The following ABCA10 variants were observed in gnomAD, a reference collection of about 807,000 sequenced individuals.
The protein encoded by ABCA10 is ATP-binding cassette sub-family A member 10.
In ABCA10, 169 loss-of-function variants were observed where a neutral mutation model predicts 187.5. The observed-to-expected ratio is 0.90, with a 90% confidence interval of 0.80 to 1.02. The LOEUF is 1.02. ABCA10 is among the 50% of genes least tolerant of loss of function. The probability of loss-of-function intolerance (pLI) is 0.00; values close to 1 mark genes in which losing one functional copy is unlikely to be tolerated. For missense variants in ABCA10, 1,727 were observed against 1,812.4 expected, an observed-to-expected ratio of 0.95 and a Z score of 0.86; for synonymous variants, 574 against 601.8, an observed-to-expected ratio of 0.95 and a Z score of 0.68.
At chr17:69,212,981 A>T (rs546370836) in intron 9 of ABCA10, among the ~76,000 whole-genome samples, 2 of 152,310 alleles carry the variant, frequency 1.3e-5, no homozygotes, top group South Asian at 4.1e-4. Flanking sequence ...GTACTATGCT[A>T]TTCATCATGC....
chr17:69,211,346 T>TATATATATA (rs1568070370), intron 9 of ABCA10, among the ~76,000 whole-genome samples: 53 of 27,750 alleles, frequency 1.9e-3, no homozygotes, highest in African/African-American at 8.0e-3. Context: ...TATATATATA[T>TATATATATA]ATATATATAT....
At chr17:69,148,987 C>T in intron 38 of ABCA10, 46 bp downstream of exon 38, 1 of 1,612,966 alleles carries the variant, frequency 6.2e-7, no homozygotes, top group Non-Finnish European at 8.5e-7. Context: ...GATGGATTCA[C>T]ACAGAGGTCA....
At chr17:69,223,756 G>T in intron 3 of ABCA10, 1 of 382,292 alleles carries the variant, frequency 2.6e-6, no homozygotes. Context: ...GAATATTTAT[G>T]CTAAAAAGCA....
intron 3 of ABCA10, 72 bp from the exon 4 acceptor site, chr17:69,222,769 G>A: frequency 7.4e-7 from 1 of 1,356,530 alleles, no homozygotes; most frequent in East Asian, 2.7e-5. Context: ...ACAAAATACA[G>A]TTGCTTGTTT....
chr17:69,166,848 A>C (rs1220046888), intron 25 of ABCA10, among the ~76,000 whole-genome samples: 2 of 152,168 alleles, frequency 1.3e-5, no homozygotes, highest in East Asian at 3.8e-4. Flanking sequence ...TTCTGGGGGG[A>C]AAAGTGCCAC....
At chr17:69,208,249 C>T (rs1156328804) in intron 9 of ABCA10, among the ~76,000 whole-genome samples, 3 of 151,692 alleles carry the variant, frequency 2.0e-5, no homozygotes, top group African/African-American at 7.3e-5. Context: ...AAGCCCATCT[C>T]TACTAAAAAT....
chr17:69,162,782 A>G (rs1345506256), intron 27 of ABCA10, among the ~76,000 whole-genome samples: 1 of 124,294 alleles, frequency 8.0e-6, no homozygotes, highest in Non-Finnish European at 1.8e-5. Flanking sequence ...CCTCACTTTG[A>G]TGGGGTTTAT....
At chr17:69,206,922 A>T (rs1370297344) in intron 9 of ABCA10, among the ~76,000 whole-genome samples, 1 of 152,188 alleles carries the variant, frequency 6.6e-6, no homozygotes, top group Non-Finnish European at 1.5e-5. Flanking sequence ...GACACATGGG[A>T]TTACATCAAA....
rs556543269 is a variant in ABCA10 at position 69,236,085 on chromosome 17, T to C, written c.-592-7225A>G. Among the ~76,000 whole-genome samples the C allele has an allele frequency of 2.0e-5, 3 of 152,172 alleles. No individual in the cohort carries two copies. The East Asian group carries it at 5.8e-4, about 29-fold the overall frequency. On this transcript the variant is annotated intron_variant, in intron 1 of 39. Coordinates refer to the ABCA10 transcript ENST00000269081. The stretch of plus-strand genomic sequence containing the variant: ...AAGATAAGATCCTGGGTTTGCATCT[T>C]ACAATACCTATATATATATGGCCAA...
chr17:69,148,952 C>T, intron 38 of ABCA10, 27 bp from the exon 39 acceptor site: 1 of 1,612,652 alleles, frequency 6.2e-7, no homozygotes, highest in Non-Finnish European at 8.5e-7. Flanking sequence ...AAAAAAGATA[C>T]AAAAATGTCA....
At chr17:69,182,427 A>G (rs1779268612) in intron 21 of ABCA10, 137 bp from the exon 22 acceptor site, 2 of 978,880 alleles carry the variant, frequency 2.0e-6, no homozygotes, top group Non-Finnish European at 2.8e-6. Context: ...GCCTTCTTTG[A>G]ATTGGTACAA....
chr17:69,205,506 T>C (rs1434989097), intron 9 of ABCA10, among the ~76,000 whole-genome samples: 1 of 152,130 alleles, frequency 6.6e-6, no homozygotes, highest in Non-Finnish European at 1.5e-5. Context: ...CAAAACAGAA[T>C]AAACAATAAA....
intron 22 of ABCA10, among the ~76,000 whole-genome samples, chr17:69,177,973 A>ATATATATATATATATATGTTATAT (rs68149070): frequency 2.0e-5 from 1 of 49,978 alleles, no homozygotes. Flanking sequence ...AAAAAAAAAA[A>ATATATATATATATATATGTTATAT]ATATATATAT....
chr17:69,167,713 T>C (rs1244806427), intron 25 of ABCA10, among the ~76,000 whole-genome samples: 1 of 152,036 alleles, frequency 6.6e-6, no homozygotes, highest in Non-Finnish European at 1.5e-5. Flanking sequence ...CATTAGACAA[T>C]CTGAAAGAAG....
chr17:69,210,863 T>C (rs1020242829), intron 9 of ABCA10, among the ~76,000 whole-genome samples: 2 of 146,490 alleles, frequency 1.4e-5, no homozygotes, highest in East Asian at 2.0e-4. Context: ...TATATATATA[T>C]ATGCCATATT....
intron 10 of ABCA10, 68 bp from the exon 11 acceptor site, chr17:69,197,190 A>G: frequency 7.9e-7 from 1 of 1,268,012 alleles, no homozygotes; most frequent in Non-Finnish European, 1.1e-6. Context: ...ATTACAGTTC[A>G]TAACTAAGCC....
Position 69,155,891 on chromosome 17 carries a change from G to C in ABCA10, c.3490C>G (p.Pro1164Ala). Residue 1164 changes from proline (P) to alanine (A), a missense_variant, in exon 29 of 39, where the codon CCG becomes GCG. Transcript: ENST00000690296. ...SPRSRETHPNPEEPEEEDEDV... is the reference protein window; with the variant it reads ...SPRSRETHPNAEEPEEEDEDV... ...TCATCTTCTTCTTCGGGCTCTTCCG[G>C]ATTGGGATGAGTTTCTCTACTCCGT... 6.2e-7 allele frequency: 1 copy of C among 1,613,642 alleles called. No homozygotes were observed. The highest frequency in any genetic ancestry group is 8.5e-7 in the Non-Finnish European group (1 of 1,179,720).
At chr17:69,228,407 T>C (rs1264273659) in intron 1 of ABCA10, among the ~76,000 whole-genome samples, 174 bp downstream of exon 1, 1 of 151,180 alleles carries the variant, frequency 6.6e-6, no homozygotes, top group Admixed American at 6.6e-5. Flanking sequence ...AAATGTTACA[T>C]AAGTTTTTAA....
Position 69,216,017 on chromosome 17 carries a change from G to T in ABCA10, c.673-17C>A, listed in dbSNP as rs1227326122. ...CAATGCTATCTGAAGGAAGAAAGAGGTCTGATTGGTATATTTTTCCTTGAA... is the reference window on the plus strand; with the variant it reads ...CAATGCTATCTGAAGGAAGAAAGAGTTCTGATTGGTATATTTTTCCTTGAA... On this transcript the variant is annotated splice_polypyrimidine_tract_variant and intron_variant, in intron 7 of 38. Coordinates refer to ENST00000690296, the MANE Select transcript of ABCA10 (RefSeq NM_001377321.1). 6.3e-7 allele frequency: 1 copy of T among 1,597,086 alleles called. No individual in the cohort carries two copies. The highest frequency in any genetic ancestry group is 1.8e-5 in the Admixed American group (1 of 54,346).
Sources: gnomAD v4.1 joint callset for allele counts (sites outside exome capture counted in the v4.1 genomes callset) on GRCh38, gnomAD v4.1.1 for gene constraint, MANE v1.5 for transcripts, NCBI Gene and HGNC (gene_info 2026-07-23, HGNC 2026-07-21) for gene names.